MMRN1: variants seen among roughly 807,000 people sequenced by gnomAD.
MMRN1 encodes the protein multimerin-1.
Under a neutral mutation model 100.7 loss-of-function variants are expected in MMRN1, and 94 were observed. That is an observed-to-expected ratio of 0.93 (90% CI 0.79 to 1.11). MMRN1 has a LOEUF of 1.11. Ranked by LOEUF, MMRN1 falls within the 50% of genes least tolerant of loss-of-function variation. The pLI, the probability that MMRN1 is intolerant of heterozygous loss-of-function variation, is 0.00. For missense variants in MMRN1, 1,606 were observed against 1,439.1 expected, an observed-to-expected ratio of 1.12 and a Z score of -1.88; for synonymous variants, 575 against 505.0, an observed-to-expected ratio of 1.14 and a Z score of -1.86.
At chr4:89,917,939 T>C (rs1001488566) in intron 3 of MMRN1, among the ~76,000 whole-genome samples, 1 of 151,914 alleles carries the variant, frequency 6.6e-6, no homozygotes, top group Admixed American at 6.6e-5. Flanking sequence ...TCATGAAAAT[T>C]CTTATCTAAA....
rs377087842 is a variant in MMRN1 at position 89,936,321 on chromosome 4, A to C, written c.2641A>C (p.Lys881Gln). ...QTLIPYYISV[K>Q]KGSVVTNERD... ...GCTCATACCTTATTATATTTCAGTT[A>C]AAAAAGGCAGTGTAGTTACAAATGA... Residue 881 changes from lysine (K) to glutamine (Q), a missense_variant, in exon 6 of 8, where the codon AAA (lysine) becomes CAA (glutamine). Coordinates refer to ENST00000264790, the MANE Select transcript of MMRN1 (RefSeq NM_007351.3). 6 of 1,612,390 alleles carry C rather than the reference A, an allele frequency of 3.7e-6. 1 individual carries two copies. The Admixed American group carries it at 1.0e-4, about 27-fold the overall frequency.
intron 1 of MMRN1, among the ~76,000 whole-genome samples, chr4:89,908,680 C>T (rs1171076365): frequency 6.6e-6 from 1 of 151,338 alleles, no homozygotes; most frequent in East Asian, 1.9e-4. Context: ...AGAAATGTAA[C>T]TGATCTTAAT....
chr4:89,887,001 C>T (rs115066359), intron 1 of MMRN1, among the ~76,000 whole-genome samples: 1,928 of 152,194 alleles, frequency 0.013, 32 homozygotes, highest in African/African-American at 0.042. Context: ...CTTTCTTTAT[C>T]CCCTGCTCAT....
chr4:89,935,529 T>G lies in MMRN1; in HGVS notation c.1849T>G (p.Leu617Val), dbSNP rs372402497. 1 of 1,613,186 alleles carries G rather than the reference T, an allele frequency of 6.2e-7. No individual in the cohort carries two copies. Among genetic ancestry groups the G allele is most frequent in the Non-Finnish European group, 8.5e-7 (1 of 1,179,668 alleles). ...LKDTEENLHV[L>V]NQTLAEVLFP... Reference sequence around the variant, plus strand: ...GGACACAGAAGAGAATTTACATGTGTTAAATCAAACATTGGCTGAAGTTCT... The same window carrying G: ...GGACACAGAAGAGAATTTACATGTGGTAAATCAAACATTGGCTGAAGTTCT... Residue 617 changes from leucine to valine, a missense_variant, in exon 6 of 8, where the codon TTA becomes GTA. Transcript: ENST00000264790.
chr4:89,952,078 C>T (rs1400584221), intron 7 of MMRN1, among the ~76,000 whole-genome samples: 1 of 152,022 alleles, frequency 6.6e-6, no homozygotes, highest in African/African-American at 2.4e-5. Context: ...CTGATAGAAA[C>T]ACTTTCTCCT....
At chr4:89,923,459 A>C (rs2110615072) in intron 4 of MMRN1, among the ~76,000 whole-genome samples, 187 bp downstream of exon 4, 1 of 152,366 alleles carries the variant, frequency 6.6e-6, no homozygotes, top group Non-Finnish European at 1.5e-5. Flanking sequence ...GGTACTGAAA[A>C]GACCATGTAT....
At chr4:89,892,856 C>T (rs934378532), upstream of MMRN1, among the ~76,000 whole-genome samples, 1 of 151,968 alleles carries the variant, frequency 6.6e-6, no homozygotes, top group Admixed American at 6.6e-5. Context: ...TTTGAACAGT[C>T]TTTCAAACTG....
chr4:89,893,507 A>G (rs1286786765), upstream of MMRN1, among the ~76,000 whole-genome samples: 1 of 152,134 alleles, frequency 6.6e-6, no homozygotes, highest in Non-Finnish European at 1.5e-5. Flanking sequence ...TAGATTTCCA[A>G]TTCTCTAATT....
chr4:89,931,358 C>G (rs1722428002), intron 5 of MMRN1, among the ~76,000 whole-genome samples: 1 of 152,054 alleles, frequency 6.6e-6, no homozygotes, highest in Non-Finnish European at 1.5e-5. Flanking sequence ...AACTTACTTA[C>G]AAAATGGAGA....
At chr4:89,922,315 C>G (rs1722115509) in intron 3 of MMRN1, among the ~76,000 whole-genome samples, 1 of 152,020 alleles carries the variant, frequency 6.6e-6, no homozygotes, top group Non-Finnish European at 1.5e-5. Flanking sequence ...CTATGTTGGC[C>G]AGGCTGGTCT....
chr4:89,886,949 T>C (rs1720950430), intron 1 of MMRN1, among the ~76,000 whole-genome samples: 1 of 152,118 alleles, frequency 6.6e-6, no homozygotes. Context: ...ACCTTATATC[T>C]TATTTCTGCC....
chr4:89,899,754 C>T (rs1170186139), intron 1 of MMRN1, among the ~76,000 whole-genome samples: 1 of 152,020 alleles, frequency 6.6e-6, no homozygotes, highest in Non-Finnish European at 1.5e-5. Context: ...ATTTTTCTCT[C>T]CCTTCTGGTT....
chr4:89,922,673 G>T (rs954683751), intron 3 of MMRN1, among the ~76,000 whole-genome samples: 2 of 152,032 alleles, frequency 1.3e-5, no homozygotes, highest in Admixed American at 6.6e-5. Flanking sequence ...TCAAAATCTG[G>T]AAACAATCCA....
rs993401838 is a variant in MMRN1, at chr4:89,935,687, G to A, written c.2007G>A (p.Lys669=). The A allele has an allele frequency of 2.2e-5, 36 of 1,612,800 alleles. No individual in the cohort carries two copies. The highest frequency in any genetic ancestry group is 3.1e-5 in the Non-Finnish European group (36 of 1,179,618). ...AGACAATGACATATGAACAACCAAA[G>A]GAAGCAATAGTGATAAGGAAAAAGA... is the stretch of plus-strand genomic sequence containing the variant. ...LRQTMTYEQP[K]EAIVIRKKIE... is the part of the protein sequence containing the mutation. The change falls in exon 6 of 8, where the codon AAG becomes AAA. Residue 669 remains lysine (K), a synonymous_variant. Transcript: ENST00000264790.
intron 1 of MMRN1, among the ~76,000 whole-genome samples, chr4:89,903,421 T>A (rs1227946453): frequency 6.6e-6 from 1 of 151,702 alleles, no homozygotes. Flanking sequence ...TGGTCTTCTG[T>A]ATTGGCTTTA....
rs1722551282 is a variant in MMRN1, at chr4:89,934,845, G to T, written c.1165G>T (p.Asp389Tyr). Residue 389 changes from aspartate (D) to tyrosine (Y), a missense_variant, in exon 6 of 8, where the codon GAC becomes TAC. Coordinates refer to ENST00000264790, the MANE Select transcript of MMRN1 (RefSeq NM_007351.3). ...KSKSINVLIRDIVREQFKIFQ... is the reference protein window; with the variant it reads ...KSKSINVLIRYIVREQFKIFQ... ...CAAAAGCATTAATGTACTGATAAGA[G>T]ACATAGTAAGAGAACAATTTAAAAT... The T allele has an allele frequency of 6.4e-7, 1 of 1,562,060 alleles. No individual in the cohort carries two copies. The highest frequency in any genetic ancestry group is 1.2e-5 in the South Asian group (1 of 82,402).
intron 6 of MMRN1, among the ~76,000 whole-genome samples, chr4:89,947,797 A>G (rs1047342029): frequency 3.3e-5 from 5 of 152,166 alleles, no homozygotes; most frequent in Non-Finnish European, 5.9e-5. Flanking sequence ...ACCATTTTTT[A>G]AGCGTTTTAA....
At position 89,948,738 on chromosome 4, in the gene MMRN1, A is replaced by G. The variant is rs532196242; in HGVS notation, c.3119-2867A>G. On this transcript the variant is annotated intron_variant, in intron 6 of 7. Coordinates refer to ENST00000264790, the MANE Select transcript of MMRN1 (RefSeq NM_007351.3). The stretch of plus-strand genomic sequence containing the variant: ...TTTTAAAATGTGATTATTTTGGCAG[A>G]GACTTGGAAAGTCCAGACATACCTA... 4.6e-5 allele frequency among the ~76,000 whole-genome samples: 7 copies of G among 152,322 alleles called. No individual in the cohort carries two copies. In the East Asian group the frequency reaches 1.4e-3, roughly 29 times the overall value.
chr4:89,945,889 A>T (rs1351603675), intron 6 of MMRN1, among the ~76,000 whole-genome samples: 1 of 152,248 alleles, frequency 6.6e-6, no homozygotes, highest in Non-Finnish European at 1.5e-5. Context: ...AATACCAAAA[A>T]TAAAAACTGA....
Sources: gnomAD v4.1 joint callset for allele counts (sites outside exome capture counted in the v4.1 genomes callset) on GRCh38, gnomAD v4.1.1 for gene constraint, MANE v1.5 for transcripts, NCBI Gene and HGNC (gene_info 2026-07-23, HGNC 2026-07-21) for gene names.